ANKRD11: variants seen among roughly 807,000 people sequenced by gnomAD.
ANKRD11 encodes the protein ankyrin repeat domain-containing protein 11.
In ANKRD11, 17 loss-of-function variants were observed where a neutral mutation model predicts 195.7. That is an observed-to-expected ratio of 0.09 (90% CI 0.06 to 0.13). The LOEUF (loss-of-function observed/expected upper bound fraction) is 0.13, where lower values mean the gene tolerates loss of function less well. ANKRD11 is among the 10% of genes least tolerant of loss of function. ANKRD11 has a pLI of 1.00. For missense variants in ANKRD11, 3,735 were observed against 3,566.1 expected (o/e 1.05, Z -1.21); for synonymous variants, 1,953 against 1,528.1 (o/e 1.28, Z -6.49).
chr16:89,357,460 A>G (rs2039536413), intron 2 of ANKRD11, among the ~76,000 whole-genome samples: 1 of 152,154 alleles, frequency 6.6e-6, no homozygotes, highest in South Asian at 2.1e-4. Context: ...AAACAGTGTG[A>G]CGATTCCTCA....
intron 1 of ANKRD11, among the ~76,000 whole-genome samples, chr16:89,481,496 G>A (rs1294177854): frequency 1.3e-5 from 2 of 152,182 alleles, no homozygotes; most frequent in African/African-American, 4.8e-5. Flanking sequence ...GCTCAAGGAT[G>A]CAGTGAGATA....
intron 1 of ANKRD11, among the ~76,000 whole-genome samples, chr16:89,489,660 C>G (rs1221187067): frequency 6.6e-6 from 1 of 151,910 alleles, no homozygotes; most frequent in Non-Finnish European, 1.5e-5. Flanking sequence ...CCCAGCTCCG[C>G]AGAACCCGGC....
chr16:89,401,561 G>T (rs1275127946), intron 2 of ANKRD11, among the ~76,000 whole-genome samples: 1 of 152,090 alleles, frequency 6.6e-6, no homozygotes, highest in Admixed American at 6.5e-5. Flanking sequence ...GATTACAGGC[G>T]ATTTTTACTT....
At chr16:89,278,997 G>C in intron 9 of ANKRD11, 75 bp downstream of exon 9, 1 of 1,582,990 alleles carries the variant, frequency 6.3e-7, no homozygotes, top group East Asian at 2.3e-5. Flanking sequence ...AGACGGGCTG[G>C]AGGAAGCCGT....
chr16:89,442,828 C>T (rs974610392), intron 1 of ANKRD11, among the ~76,000 whole-genome samples: 12 of 152,308 alleles, frequency 7.9e-5, no homozygotes, highest in Admixed American at 1.3e-4. Context: ...GGTGAGCCTC[C>T]GGCGCTCCTG....
At chr16:89,448,853 T>C (rs1021058559) in intron 1 of ANKRD11, among the ~76,000 whole-genome samples, 5 of 152,152 alleles carry the variant, frequency 3.3e-5, no homozygotes, top group African/African-American at 1.2e-4. Context: ...AGGAGAGCTC[T>C]TTCTATCCCC....
intron 1 of ANKRD11, among the ~76,000 whole-genome samples, chr16:89,475,394 C>G (rs1003898333): frequency 3.3e-5 from 5 of 152,102 alleles, no homozygotes; most frequent in Admixed American, 2.0e-4. Context: ...CATGAAAGCC[C>G]CGTAACCCAC....
chr16:89,369,494 G>A (rs753861493), intron 2 of ANKRD11, among the ~76,000 whole-genome samples: 2 of 152,226 alleles, frequency 1.3e-5, no homozygotes, highest in Non-Finnish European at 2.9e-5. Context: ...AAGCTCTGCC[G>A]TATCAGACAC....
intron 2 of ANKRD11, among the ~76,000 whole-genome samples, chr16:89,344,042 C>T (rs757931540): frequency 2.6e-5 from 4 of 152,290 alleles, no homozygotes; most frequent in South Asian, 2.1e-4. Context: ...TCCTCAAGCC[C>T]GGCCCCGCCC....
intron 2 of ANKRD11, among the ~76,000 whole-genome samples, chr16:89,334,172 A>AAAAAAAAAAAAG (rs1555545552): frequency 6.7e-6 from 1 of 148,974 alleles, no homozygotes; most frequent in African/African-American, 2.5e-5. Context: ...AAAAAAAAAA[A>AAAAAAAAAAAAG]ACAGAGAGAG....
rs2034260367 is a variant in ANKRD11, at chr16:89,281,642, CCTT to C, written c.4897_4899del (p.Lys1633del). On this transcript the variant is annotated inframe_deletion, in exon 9 of 13. Transcript: ENST00000301030. The surrounding 1 kb of genome is among the most constrained non-coding windows in gnomAD (Gnocchi z 5.5). Reference sequence around the variant, plus strand: ...GGTTTCTTAGCAGGAATGTCCAGACCCTTCTTCCGCCCGTCGTCTGCCGGCTTC... The same window carrying C: ...GGTTTCTTAGCAGGAATGTCCAGACCCTTCCGCCCGTCGTCTGCCGGCTTC... The C allele has an allele frequency of 1.9e-6, 3 of 1,614,028 alleles. No individual in the cohort carries two copies. Among genetic ancestry groups the C allele is most frequent in the African/African-American group, 1.3e-5 (1 of 74,912 alleles).
In ANKRD11 at chr16:89,280,126, G is replaced by A. The variant is rs753112904; in HGVS notation, c.6416C>T (p.Pro2139Leu). Reference sequence around the variant, plus strand: ...ATCTTTAGTCTGCAGGGGAAGCTCCGGCAGGGAGAAGGGCCCCAGGTCCAG... The same window carrying A: ...ATCTTTAGTCTGCAGGGGAAGCTCCAGCAGGGAGAAGGGCCCCAGGTCCAG... ...DDLDLGPFSL[P>L]ELPLQTKDAA... Residue 2139 changes from proline (P) to leucine (L), a missense_variant, in exon 9 of 13, where the codon CCG (proline) becomes CTG (leucine). Physicochemically the swap from Pro to Leu is moderately conservative, Grantham distance 98. Coordinates refer to ENST00000301030, the MANE Select transcript of ANKRD11 (RefSeq NM_013275.6). 3.3e-5 allele frequency: 54 copies of A among 1,612,232 alleles called. No individual in the cohort carries two copies. In the Admixed American group the frequency reaches 4.2e-4, roughly 12 times the overall value.
chr16:89,403,831 G>A (rs1337945876), intron 2 of ANKRD11: 1 of 152,170 alleles, frequency 6.6e-6, no homozygotes, highest in African/African-American at 2.4e-5. Flanking sequence ...TACTCGGAAG[G>A]CTGAGGAAGG....
chr16:89,354,481 C>CACAGAGG (rs1291600766), intron 2 of ANKRD11, among the ~76,000 whole-genome samples: 1 of 152,238 alleles, frequency 6.6e-6, no homozygotes, highest in African/African-American at 2.4e-5. Context: ...GTGGAAATGT[C>CACAGAGG]ACAGAGGGCA....
At chr16:89,459,274 G>A (rs772219163) in intron 1 of ANKRD11, 8 of 172,604 alleles carry the variant, frequency 4.6e-5, no homozygotes, top group Non-Finnish European at 1.0e-4. Flanking sequence ...AGTGGTAAGA[G>A]TGAAGCCAGC....
At chr16:89,358,320 C>T (rs1233320022) in intron 2 of ANKRD11, among the ~76,000 whole-genome samples, 2 of 152,122 alleles carry the variant, frequency 1.3e-5, no homozygotes, top group East Asian at 3.9e-4. Context: ...ATCACAGCTG[C>T]ATATTCACGG....
intron 2 of ANKRD11, among the ~76,000 whole-genome samples, chr16:89,375,084 A>G (rs3102335): frequency 0.035 from 5,363 of 152,104 alleles, 225 homozygotes; most frequent in East Asian, 0.18. Flanking sequence ...GGAAACGTAA[A>G]CAAACGTAAC....
chr16:89,294,730 C>T (rs1022051387), intron 4 of ANKRD11, among the ~76,000 whole-genome samples: 2 of 152,202 alleles, frequency 1.3e-5, no homozygotes, highest in Admixed American at 6.5e-5. Context: ...GTACCTGTAC[C>T]TGCACTGTCA....
rs749374592 is a variant in ANKRD11, at chr16:89,290,653, C to T, written c.573G>A (p.Gly191=). The T allele has an allele frequency of 1.9e-6, 3 of 1,613,650 alleles. No individual in the cohort carries two copies. Among genetic ancestry groups the T allele is most frequent in the South Asian group, 2.2e-5 (2 of 91,090 alleles). Residue 191 remains glycine (G), a synonymous_variant, in exon 6 of 13, where the codon GGG becomes GGA. Coordinates refer to ENST00000301030, the MANE Select transcript of ANKRD11 (RefSeq NM_013275.6). The part of the protein sequence containing the change: ...ARRIKELISE[G]ADVNVKDFAG... ...CGAAGTCCTTGACGTTGACGTCTGC[C>T]CCCTCGCTGATGAGCTCTTTGATGC...
Sources: gnomAD v4.1 joint callset for allele counts (sites outside exome capture counted in the v4.1 genomes callset) on GRCh38, gnomAD v4.1.1 for gene constraint, Gnocchi (gnomAD v3.1) non-coding constraint, MANE v1.5 for transcripts, NCBI Gene and HGNC (gene_info 2026-07-23, HGNC 2026-07-21) for gene names.